The following IL1RAPL2 variants were observed in gnomAD, a reference collection of about 807,000 sequenced individuals.
IL1RAPL2 encodes the protein X-linked interleukin-1 receptor accessory protein-like 2.
In IL1RAPL2, 3 loss-of-function variants were observed where a neutral mutation model predicts 44.1. That is an observed-to-expected ratio of 0.07 (90% CI 0.03 to 0.18). IL1RAPL2 has a LOEUF of 0.18. IL1RAPL2 is among the 10% of genes least tolerant of loss of function. IL1RAPL2 has a pLI of 1.00. For synonymous variants in IL1RAPL2, 181 were observed against 178.8 expected (o/e 1.01, Z -0.10); for missense variants, 391 against 496.4 (o/e 0.79, Z 2.02).
chrX:104,902,608 C>T (rs1317479058), intron 2 of IL1RAPL2, among the ~76,000 whole-genome samples: 1 of 111,864 alleles, frequency 8.9e-6, no homozygotes, highest in East Asian at 2.8e-4. Flanking sequence ...TCAAGCCTAA[C>T]AGATTATTTA....
chrX:105,425,607 C>G (rs1220295665), intron 5 of IL1RAPL2, among the ~76,000 whole-genome samples: 1 of 108,149 alleles, frequency 9.2e-6, no homozygotes, highest in Non-Finnish European at 1.9e-5. Context: ...TTTTTTTTTC[C>G]TTTGCTGATT....
chrX:105,260,189 G>T (rs1330243042), intron 4 of IL1RAPL2, among the ~76,000 whole-genome samples: 2 of 112,155 alleles, frequency 1.8e-5, no homozygotes, highest in Non-Finnish European at 3.8e-5. Context: ...TGTGCTGGGG[G>T]TCTGTTCTAG....
rs6621913 is a variant in IL1RAPL2 at position 105,050,208 on chromosome X, G to A, written c.83-145267G>A. Among the ~76,000 whole-genome samples, 142 of 112,022 alleles carry A rather than the reference G, an allele frequency of 1.3e-3. No homozygotes were observed. The East Asian group carries it at 0.033, about 26-fold the overall frequency. ...AAGTGGTAGAAAAAATCCTGTTTCT[G>A]TCCATAGGTGCAGCATGGTGAATTC... On this transcript the variant is annotated intron_variant, in intron 2 of 10. Coordinates refer to ENST00000372582, the MANE Select transcript of IL1RAPL2 (RefSeq NM_017416.2).
At chrX:105,210,465 A>G (rs1268491821) in intron 3 of IL1RAPL2, among the ~76,000 whole-genome samples, 2 of 110,672 alleles carry the variant, frequency 1.8e-5, no homozygotes, top group Non-Finnish European at 3.8e-5. Flanking sequence ...ACATTCGGCA[A>G]TATCTGGAGA....
chrX:105,703,167 G>T (rs12557853), intron 6 of IL1RAPL2, among the ~76,000 whole-genome samples: 1 of 111,128 alleles, frequency 9.0e-6, no homozygotes, highest in Non-Finnish European at 1.9e-5. Context: ...TGTTGTGGGG[G>T]ATGTCCTATG....
chrX:105,228,331 A>T (rs1016428061), intron 3 of IL1RAPL2, among the ~76,000 whole-genome samples: 3 of 112,130 alleles, frequency 2.7e-5, no homozygotes, highest in African/African-American at 9.7e-5. Flanking sequence ...TACAAGAAAG[A>T]TCCCTAATTT....
intron 5 of IL1RAPL2, chrX:105,406,937 A>T: frequency 9.0e-7 from 1 of 1,116,661 alleles, no homozygotes; most frequent in Non-Finnish European, 1.2e-6. Context: ...GAGAATTGTG[A>T]TCTATCTGGG....
intron 8 of IL1RAPL2, among the ~76,000 whole-genome samples, chrX:105,746,792 A>C (rs1297996183): frequency 1.8e-5 from 2 of 111,476 alleles, no homozygotes; most frequent in Middle Eastern, 4.2e-3. Context: ...ATTGCTGAAA[A>C]ACTTCCCATT....
intron 3 of IL1RAPL2, among the ~76,000 whole-genome samples, chrX:105,227,035 C>T (rs1395509480): frequency 1.1e-5 from 1 of 89,030 alleles, no homozygotes; most frequent in Non-Finnish European, 2.1e-5. Flanking sequence ...AGTTAAAAAA[C>T]ACAGGAAGGG....
At chrX:105,221,591 G>A (rs1051215619) in intron 3 of IL1RAPL2, among the ~76,000 whole-genome samples, 4 of 111,659 alleles carry the variant, frequency 3.6e-5, no homozygotes, top group African/African-American at 1.3e-4. Flanking sequence ...ACATGGTCTT[G>A]TCACTTGACT....
chrX:105,642,935 C>G (rs2037579532), intron 6 of IL1RAPL2, among the ~76,000 whole-genome samples: 2 of 113,008 alleles, frequency 1.8e-5, no homozygotes, highest in Non-Finnish European at 3.7e-5. Context: ...AACATAGTCT[C>G]CTTACATACC....
At chrX:105,602,583 G>C (rs1206869990) in intron 6 of IL1RAPL2, among the ~76,000 whole-genome samples, 2 of 110,216 alleles carry the variant, frequency 1.8e-5, no homozygotes, top group African/African-American at 6.6e-5. Context: ...GATCAAGGGG[G>C]CTCAAAAATT....
intron 3 of IL1RAPL2, among the ~76,000 whole-genome samples, chrX:105,213,813 C>A (rs1398627408): frequency 1.8e-5 from 2 of 110,554 alleles, no homozygotes; most frequent in African/African-American, 6.6e-5. Flanking sequence ...AGAGTGGGGG[C>A]CAATATTCAA....
At chrX:105,073,384 T>C (rs1364943861) in intron 2 of IL1RAPL2, among the ~76,000 whole-genome samples, 1 of 109,290 alleles carries the variant, frequency 9.1e-6, no homozygotes, top group Admixed American at 9.8e-5. Context: ...TCATCATTTT[T>C]TATGGCTGCA....
chrX:105,299,955 G>T (rs1165067620), intron 5 of IL1RAPL2, among the ~76,000 whole-genome samples: 1 of 111,543 alleles, frequency 9.0e-6, no homozygotes, highest in African/African-American at 3.3e-5. Context: ...TTGCTGACAA[G>T]GGGCACAGAT....
At chrX:105,035,757 A>G (rs938310862) in intron 2 of IL1RAPL2, among the ~76,000 whole-genome samples, 5 of 112,508 alleles carry the variant, frequency 4.4e-5, no homozygotes, top group Non-Finnish European at 9.4e-5. Context: ...CATAACTCCA[A>G]TTACATTTAA....
chrX:105,510,590 A>G (rs1181224570), intron 6 of IL1RAPL2, among the ~76,000 whole-genome samples: 1 of 111,765 alleles, frequency 8.9e-6, no homozygotes, highest in Non-Finnish European at 1.9e-5. Context: ...GTGAATTAAC[A>G]TTGCAGCTGG....
At chrX:105,279,788 A>G (rs1468017218) in intron 5 of IL1RAPL2, among the ~76,000 whole-genome samples, 2 of 112,251 alleles carry the variant, frequency 1.8e-5, no homozygotes, top group African/African-American at 6.5e-5. Context: ...CATCTTAGTT[A>G]TTTCTTGTCT....
intron 2 of IL1RAPL2, among the ~76,000 whole-genome samples, chrX:104,893,334 T>A (rs1216681364): frequency 9.0e-6 from 1 of 111,498 alleles, no homozygotes; most frequent in African/African-American, 3.3e-5. Context: ...GGGTTCAATT[T>A]CTGGATATCC....
Sources: allele counts gnomAD v4.1 joint callset (sites outside exome capture counted in the v4.1 genomes callset), GRCh38; gene constraint gnomAD v4.1.1; transcripts MANE v1.5; gene names NCBI Gene and HGNC (gene_info 2026-07-23, HGNC 2026-07-21).